The following KAZN variants were observed in gnomAD, a reference collection of about 807,000 sequenced individuals.
The protein encoded by KAZN is kazrin, periplakin interacting protein.
In KAZN, 40 loss-of-function variants were observed where a neutral mutation model predicts 87.4. That is an observed-to-expected ratio of 0.46 (90% CI 0.36 to 0.60). The LOEUF (loss-of-function observed/expected upper bound fraction) is 0.60. Ranked by LOEUF, KAZN falls within the 20% of genes least tolerant of loss-of-function variation. The probability of loss-of-function intolerance (pLI) is 0.00; values close to 1 mark genes in which losing one functional copy is unlikely to be tolerated. For synonymous variants in KAZN, 466 were observed against 458.3 expected, an observed-to-expected ratio of 1.02 and a Z score of -0.22; for missense variants, 898 against 1,073.9, an observed-to-expected ratio of 0.84 and a Z score of 2.29.
At chr1:14,313,083 A>C (rs1655413606) in intron 2 of KAZN, among the ~76,000 whole-genome samples, 1 of 152,182 alleles carries the variant, frequency 6.6e-6, no homozygotes, top group Non-Finnish European at 1.5e-5. Context: ...ATGTAGACAA[A>C]TCAAAATTAT....
chr1:14,675,026 G>C (rs77253534), intron 1 of KAZN, among the ~76,000 whole-genome samples: 2,787 of 152,218 alleles, frequency 0.018, 47 homozygotes, highest in Non-Finnish European at 0.028. Context: ...TATCTTCAAG[G>C]CTCCCACATT....
At chr1:14,897,825 T>C (rs1369635131) in intron 1 of KAZN, among the ~76,000 whole-genome samples, 1 of 152,112 alleles carries the variant, frequency 6.6e-6, no homozygotes, top group African/African-American at 2.4e-5. Context: ...CTCACAGACC[T>C]CCTGAAAGGC....
intron 1 of KAZN, among the ~76,000 whole-genome samples, chr1:13,923,302 G>GCA (rs1640133193): frequency 6.6e-6 from 1 of 152,150 alleles, no homozygotes; most frequent in Non-Finnish European, 1.5e-5. Context: ...GGCTGGGGGT[G>GCA]GTGGCTCACG....
At position 14,591,642 on chromosome 1, in the gene KAZN, G is replaced by A. The variant is rs143375163; in HGVS notation, c.250-7341G>A. On this transcript the variant is annotated intron_variant, in intron 2 of 16. Coordinates refer to the KAZN transcript ENST00000636203. ...GTTTGCAAATGAAAAATCTGCAGAA[G>A]GAACTGAGTTGGTTAAATATATACA... is the stretch of plus-strand genomic sequence containing the variant. Among the ~76,000 whole-genome samples the A allele has an allele frequency of 1.3e-4, 20 of 152,324 alleles. No individual in the cohort carries two copies. In the East Asian group the frequency reaches 2.9e-3, roughly 22 times the overall value.
At chr1:14,300,203 C>T (rs1048398693) in intron 2 of KAZN, among the ~76,000 whole-genome samples, 3 of 152,094 alleles carry the variant, frequency 2.0e-5, no homozygotes, top group Non-Finnish European at 2.9e-5. Context: ...TGCAGGGACT[C>T]GGAGCCTCGT....
intron 2 of KAZN, among the ~76,000 whole-genome samples, chr1:14,547,739 C>T (rs1030127331): frequency 5.9e-5 from 9 of 151,752 alleles, no homozygotes; most frequent in Admixed American, 2.6e-4. Flanking sequence ...CCCACCACCA[C>T]GCCCTGCTAA....
rs60738880 is a variant in KAZN, at chr1:14,103,004, G to T, written c.92-77431G>T. Among the ~76,000 whole-genome samples, 3 of 151,736 alleles carry T rather than the reference G, an allele frequency of 2.0e-5. No individual in the cohort carries two copies. In the East Asian group the frequency reaches 5.9e-4, roughly 30 times the overall value. On this transcript the variant is annotated intron_variant, in intron 1 of 16. Coordinates refer to the KAZN transcript ENST00000636203. ...GCTCACTGCAACTTCTGCCTCCTGG[G>T]TTCAAAGGATTCTCATGCCTTCATG...
intron 2 of KAZN, among the ~76,000 whole-genome samples, chr1:14,392,423 G>C (rs1214453827): frequency 3.3e-5 from 5 of 152,076 alleles, no homozygotes; most frequent in Non-Finnish European, 7.3e-5. Flanking sequence ...AGCTGGATTC[G>C]GTTCCTAGTT....
At chr1:14,365,365 GGGT>G (rs1171228007) in intron 2 of KAZN, among the ~76,000 whole-genome samples, 316 of 26,408 alleles carry the variant, frequency 0.012, 10 homozygotes, top group Admixed American at 0.016. Flanking sequence ...CCTCCCCCCG[GGGT>G]GGGGGGGGGG....
chr1:14,425,675 G>A (rs1023067820), intron 2 of KAZN, among the ~76,000 whole-genome samples: 24 of 152,098 alleles, frequency 1.6e-4, no homozygotes, highest in African/African-American at 5.3e-4. Flanking sequence ...CTGAAACTGC[G>A]GTCAGCTGGG....
intron 8 of KAZN, among the ~76,000 whole-genome samples, chr1:15,078,872 G>A (rs1639875682): frequency 6.6e-6 from 1 of 152,068 alleles, no homozygotes. Flanking sequence ...CCCCACCAAG[G>A]ACCTCATCAA....
chr1:14,914,421 C>G (rs2690028), intron 1 of KAZN, among the ~76,000 whole-genome samples: 109,228 of 152,136 alleles, frequency 0.72, 39,558 homozygotes, highest in Admixed American at 0.77. Context: ...TACTATTTGC[C>G]GGTAGCACAG....
intron 1 of KAZN, among the ~76,000 whole-genome samples, chr1:14,092,410 A>G (rs564493157): frequency 1.3e-5 from 2 of 150,432 alleles, no homozygotes; most frequent in East Asian, 3.9e-4. Context: ...CTTAACAATA[A>G]GAAATATATA....
intron 2 of KAZN, among the ~76,000 whole-genome samples, chr1:14,235,961 C>T (rs1648384827): frequency 6.6e-6 from 1 of 152,142 alleles, no homozygotes; most frequent in African/African-American, 2.4e-5. Flanking sequence ...CCACGTTGCC[C>T]TGACTGCTTT....
At chr1:14,199,477 T>A (rs1646595998) in intron 2 of KAZN, among the ~76,000 whole-genome samples, 1 of 152,182 alleles carries the variant, frequency 6.6e-6, no homozygotes, top group Admixed American at 6.5e-5. Flanking sequence ...TTCTCTATCT[T>A]ACTCATTCCC....
At chr1:14,017,837 C>T (rs1640641598) in intron 1 of KAZN, among the ~76,000 whole-genome samples, 1 of 152,162 alleles carries the variant, frequency 6.6e-6, no homozygotes, top group African/African-American at 2.4e-5. Context: ...GCTGTCATGC[C>T]TGGGTACTTG....
chr1:15,075,740 C>A (rs1423722581), intron 8 of KAZN, among the ~76,000 whole-genome samples: 1 of 152,174 alleles, frequency 6.6e-6, no homozygotes, highest in Non-Finnish European at 1.5e-5. Context: ...TGCACAGCAC[C>A]CACATGAGGC....
At chr1:14,241,380 C>T (rs1480844046) in intron 2 of KAZN, among the ~76,000 whole-genome samples, 6 of 152,214 alleles carry the variant, frequency 3.9e-5, no homozygotes, top group African/African-American at 1.4e-4. Flanking sequence ...GACTCTCCTC[C>T]TCTTCCTTCA....
In KAZN at chr1:14,358,960, A is replaced by G. The variant is rs1030235102; in HGVS notation, c.249+178368A>G. ...ATTAGGTCTGCTTGGTCCAGAGCTG[A>G]GTTCAAGTCCTGGATATCCTTGTTA... is the stretch of plus-strand genomic sequence containing the variant. On this transcript the variant is annotated intron_variant, in intron 2 of 16. Transcript: ENST00000636203. 2.0e-5 allele frequency among the ~76,000 whole-genome samples: 3 copies of G among 152,164 alleles called. No individual in the cohort carries two copies. The East Asian group carries it at 5.8e-4, about 29-fold the overall frequency.
Sources: allele counts gnomAD v4.1 joint callset (sites outside exome capture counted in the v4.1 genomes callset), GRCh38; gene constraint gnomAD v4.1.1; transcripts MANE v1.5; gene names NCBI Gene and HGNC (gene_info 2026-07-23, HGNC 2026-07-21).